Variants in ALKBH1 observed in about 807,000 individuals in gnomAD.
The protein encoded by ALKBH1 is alkB homolog 1, histone H2A dioxygenase.
In ALKBH1, 31 loss-of-function variants were observed where a neutral mutation model predicts 36.6. That is an observed-to-expected ratio of 0.85 (90% CI 0.64 to 1.14). ALKBH1 has a LOEUF of 1.14. Ranked by LOEUF, ALKBH1 falls within the 50% of genes most tolerant of loss-of-function variation. The probability of loss-of-function intolerance (pLI) is 0.00; values close to 1 mark genes in which losing one functional copy is unlikely to be tolerated. For synonymous variants in ALKBH1, 183 were observed against 186.6 expected, an observed-to-expected ratio of 0.98 and a Z score of 0.16; for missense variants, 490 against 497.3, an observed-to-expected ratio of 0.99 and a Z score of 0.14.
At chr14:77,696,916 T>C (rs937227320) in intron 2 of ALKBH1, 4 of 153,270 alleles carry the variant, frequency 2.6e-5, no homozygotes, top group African/African-American at 9.6e-5. Context: ...GACTCCTTCA[T>C]GAGTTGCTGT....
Position 77,694,758 on chromosome 14 carries a change from T to C in ALKBH1, c.435A>G (p.Glu145=). The C allele has an allele frequency of 6.2e-7, 1 of 1,600,574 alleles. No homozygotes were observed. The highest frequency in any genetic ancestry group is 8.5e-7 in the Non-Finnish European group (1 of 1,174,780). The change falls in exon 3 of 6, where the codon GAA becomes GAG. Residue 145 remains glutamate, a synonymous_variant. Coordinates refer to ENST00000216489, the MANE Select transcript of ALKBH1 (RefSeq NM_006020.3). ...MSKEETQDLW[E]QSKEFLRYKE... ...CTTACCTCAGGAACTCTTTGCTCTGTTCCCACAGATCTTGGGTCTCTTCTT... is the reference window on the plus strand; with the variant it reads ...CTTACCTCAGGAACTCTTTGCTCTGCTCCCACAGATCTTGGGTCTCTTCTT...
chr14:77,689,850 A>C (rs2080287842), intron 3 of ALKBH1, among the ~76,000 whole-genome samples: 1 of 152,176 alleles, frequency 6.6e-6, no homozygotes, highest in Non-Finnish European at 1.5e-5. Flanking sequence ...CTTAATTAAA[A>C]AAAAAATCAA....
intron 4 of ALKBH1, among the ~76,000 whole-genome samples, chr14:77,678,959 G>A (rs908264447): frequency 7.9e-5 from 12 of 151,990 alleles, no homozygotes; most frequent in African/African-American, 2.9e-4. Context: ...GGAACCACAG[G>A]CATGCACCAC....
intron 3 of ALKBH1, among the ~76,000 whole-genome samples, chr14:77,691,531 A>T (rs1354642037): frequency 6.6e-6 from 1 of 152,192 alleles, no homozygotes; most frequent in African/African-American, 2.4e-5. Flanking sequence ...TATCCAGTCC[A>T]ATACCTTCAT....
At position 77,673,756 on chromosome 14, in the gene ALKBH1, A is replaced by G; in HGVS notation, c.*56T>C. The G allele has an allele frequency of 1.3e-6, 2 of 1,540,622 alleles. No individual in the cohort carries two copies. The highest frequency in any genetic ancestry group is 2.5e-5 in the South Asian group (2 of 80,970). On this transcript the variant is annotated 3_prime_UTR_variant, in exon 6 of 6. Coordinates refer to ENST00000216489, the MANE Select transcript of ALKBH1 (RefSeq NM_006020.3). ...CTGAAGTCCACGGCAATACACAATA[A>G]CATGATCATTTACGGTAAGCAGGTG...
intron 2 of ALKBH1, among the ~76,000 whole-genome samples, chr14:77,703,531 G>A (rs917417975): frequency 1.3e-5 from 2 of 150,174 alleles, no homozygotes; most frequent in African/African-American, 2.5e-5. Flanking sequence ...TCCTGACCTC[G>A]TGATCCGCCC....
chr14:77,692,671 T>A (rs1272788229), intron 3 of ALKBH1, among the ~76,000 whole-genome samples: 3 of 152,066 alleles, frequency 2.0e-5, no homozygotes, highest in African/African-American at 7.2e-5. Flanking sequence ...TCCTCCTTCA[T>A]GTTTTACCAA....
Position 77,679,942 on chromosome 14 carries a change from G to C in ALKBH1, c.484C>G (p.Arg162Gly), listed in dbSNP as rs763045994. 6.2e-7 allele frequency: 1 copy of C among 1,614,066 alleles called. No homozygotes were observed. The highest frequency in any genetic ancestry group is 8.5e-7 in the Non-Finnish European group (1 of 1,179,942). Residue 162 changes from arginine to glycine, a missense_variant, in exon 4 of 6, where the codon CGA (arginine) becomes GGA (glycine). Arg to Gly is a moderately radical substitution (Grantham distance 125, BLOSUM62 -2). Transcript: ENST00000216489. ...RYKEATKRRPRSLLEKLRWVT... is the reference protein window; with the variant it reads ...RYKEATKRRPGSLLEKLRWVT... Reference sequence around the variant, plus strand: ...CAACGCAGTTTCTCCAGTAAACTTCGGGGTCTCCGTTTAGTCGCTTCTTTA... The same window carrying C: ...CAACGCAGTTTCTCCAGTAAACTTCCGGGTCTCCGTTTAGTCGCTTCTTTA...
At chr14:77,677,091 G>A (rs954152437) in intron 4 of ALKBH1, among the ~76,000 whole-genome samples, 3 of 151,454 alleles carry the variant, frequency 2.0e-5, no homozygotes, top group Non-Finnish European at 2.9e-5. Context: ...CCAGGCTGGA[G>A]TGCAGTGGTA....
intron 3 of ALKBH1, among the ~76,000 whole-genome samples, chr14:77,688,266 A>AAC (rs2080279138): frequency 6.8e-6 from 1 of 147,894 alleles, no homozygotes; most frequent in Admixed American, 6.7e-5. Context: ...TTTTTGAGAC[A>AAC]GAGTCTCAAT....
Position 77,674,212 on chromosome 14 carries a change from C to T in ALKBH1, c.770G>A (p.Gly257Asp). Residue 257 changes from glycine to aspartate, a missense_variant, in exon 6 of 6, where the codon GGT becomes GAT. Physicochemically the swap from Gly to Asp is moderately conservative, Grantham distance 94 (BLOSUM62 -1). Coordinates refer to ENST00000216489, the MANE Select transcript of ALKBH1 (RefSeq NM_006020.3). ...GGGGGCCTCATCCCTTTGAAGACCA[C>T]CCAGGAGAAAGATGGCGGACTGTCC... Reference protein sequence around the residue: ...SFGQSAIFLLGGLQRDEAPTA... With the variant: ...SFGQSAIFLLDGLQRDEAPTA... 6.2e-7 allele frequency: 1 copy of T among 1,609,096 alleles called. No homozygotes were observed. Among genetic ancestry groups the T allele is most frequent in the Non-Finnish European group, 8.5e-7 (1 of 1,177,370 alleles).
At chr14:77,699,632 G>C (rs1338129183) in intron 2 of ALKBH1, among the ~76,000 whole-genome samples, 2 of 152,122 alleles carry the variant, frequency 1.3e-5, no homozygotes, top group Non-Finnish European at 2.9e-5. Context: ...CCATCACAAG[G>C]CTAGCACACA....
intron 3 of ALKBH1, among the ~76,000 whole-genome samples, chr14:77,691,096 C>T (rs1028154270): frequency 2.0e-5 from 3 of 152,170 alleles, no homozygotes; most frequent in African/African-American, 4.8e-5. Flanking sequence ...CCACCGTGCC[C>T]GGCCTGCACA....
At chr14:77,685,514 C>T (rs552377145) in intron 3 of ALKBH1, among the ~76,000 whole-genome samples, 5 of 151,570 alleles carry the variant, frequency 3.3e-5, no homozygotes, top group African/African-American at 7.3e-5. Flanking sequence ...TGGTGGCTCA[C>T]GCTTGTAATC....
chr14:77,689,600 A>C lies in ALKBH1; in HGVS notation c.455+5138T>G, dbSNP rs193230153. On this transcript the variant is annotated intron_variant, in intron 3 of 5. Transcript: ENST00000216489. ...AACTGTGGTAAGAATCAAGGCTACA[A>C]AATTTTCAAGATGGGAGAGGAAGGC... Among the ~76,000 whole-genome samples, 3 of 152,288 alleles carry C rather than the reference A, an allele frequency of 2.0e-5. No homozygotes were observed. The East Asian group carries it at 5.8e-4, about 29-fold the overall frequency.
At chr14:77,694,068 C>T (rs2080313470) in intron 3 of ALKBH1, among the ~76,000 whole-genome samples, 1 of 152,212 alleles carries the variant, frequency 6.6e-6, no homozygotes, top group Admixed American at 6.5e-5. Flanking sequence ...ATTTCCTCCT[C>T]TATGCTCCCA....
intron 3 of ALKBH1, among the ~76,000 whole-genome samples, chr14:77,688,789 C>G (rs2080282459): frequency 6.6e-6 from 1 of 151,966 alleles, no homozygotes; most frequent in African/African-American, 2.4e-5. Context: ...CCAGGCTGGT[C>G]TTGAACTCCC....
intron 3 of ALKBH1, among the ~76,000 whole-genome samples, chr14:77,685,426 G>C (rs1469432838): frequency 1.9e-5 from 2 of 105,278 alleles, no homozygotes; most frequent in African/African-American, 7.1e-5. Context: ...GACAGAGTGA[G>C]ACTCCGTCTT....
intron 4 of ALKBH1, among the ~76,000 whole-genome samples, chr14:77,676,627 G>A (rs1292479830): frequency 1.3e-5 from 2 of 152,194 alleles, no homozygotes; most frequent in Non-Finnish European, 2.9e-5. Context: ...TGCTATTACA[G>A]TAATGTATTA....
Sources: allele counts gnomAD v4.1 joint callset (sites outside exome capture counted in the v4.1 genomes callset), GRCh38; gene constraint gnomAD v4.1.1; transcripts MANE v1.5; gene names NCBI Gene and HGNC (gene_info 2026-07-23, HGNC 2026-07-21).